ME1: variants seen among roughly 807,000 people sequenced by gnomAD.
The protein encoded by ME1 is NADP-dependent malic enzyme.
Under a neutral mutation model 66.4 loss-of-function variants are expected in ME1, and 74 were observed. The ratio of observed to expected loss-of-function variants is 1.11; its 90% CI spans 0.92 to 1.35. The LOEUF is 1.35. Among genes scored for constraint, ME1 ranks in the 40% most tolerant of loss-of-function variants. The pLI is 0.00. For synonymous variants in ME1, 251 were observed against 235.6 expected, an observed-to-expected ratio of 1.07 and a Z score of -0.60; for missense variants, 750 against 694.1, an observed-to-expected ratio of 1.08 and a Z score of -0.90.
At chr6:83,409,302 G>C (rs1022398599) in intron 1 of ME1, among the ~76,000 whole-genome samples, 3 of 152,200 alleles carry the variant, frequency 2.0e-5, no homozygotes, top group Non-Finnish European at 4.4e-5. Flanking sequence ...AATCAACCTG[G>C]ATAGGTAAGA....
intron 3 of ME1, among the ~76,000 whole-genome samples, chr6:83,362,411 T>A (rs1459059010): frequency 6.6e-6 from 1 of 152,198 alleles, no homozygotes; most frequent in Non-Finnish European, 1.5e-5. Context: ...TGACAGGACA[T>A]GACCCGTTCT....
At chr6:83,372,364 T>C (rs1258086820) in intron 3 of ME1, among the ~76,000 whole-genome samples, 1 of 152,188 alleles carries the variant, frequency 6.6e-6, no homozygotes, top group Non-Finnish European at 1.5e-5. Context: ...TGAGAGACTT[T>C]CCTAGGACAA....
At chr6:83,269,874 TATAAAA>T (rs750636439) in intron 6 of ME1, among the ~76,000 whole-genome samples, 1 of 152,168 alleles carries the variant, frequency 6.6e-6, no homozygotes. Flanking sequence ...TGTAGGTGTT[TATAAAA>T]ATAAAAGTCT....
intron 3 of ME1, among the ~76,000 whole-genome samples, chr6:83,380,654 A>G (rs1769379078): frequency 6.6e-6 from 1 of 152,134 alleles, no homozygotes; most frequent in African/African-American, 2.4e-5. Context: ...GTTGCACCTT[A>G]CAATGTTAGA....
At chr6:83,228,347 G>A (rs761976356) in intron 10 of ME1, among the ~76,000 whole-genome samples, 2 of 152,234 alleles carry the variant, frequency 1.3e-5, no homozygotes, top group Non-Finnish European at 2.9e-5. Context: ...ATTTTAGGCT[G>A]GATAATTCCT....
chr6:83,379,751 C>G (rs1160471130), intron 3 of ME1, among the ~76,000 whole-genome samples: 3 of 151,974 alleles, frequency 2.0e-5, no homozygotes, highest in African/African-American at 7.2e-5. Context: ...ATGATAATTT[C>G]TGTAATCACG....
chr6:83,400,477 A>G (rs1769818088), intron 2 of ME1, among the ~76,000 whole-genome samples: 1 of 152,228 alleles, frequency 6.6e-6, no homozygotes, highest in Admixed American at 6.5e-5. Context: ...CAATGCAAGA[A>G]CAGACTAACA....
chr6:83,270,528 A>C (rs948831367), intron 6 of ME1, among the ~76,000 whole-genome samples: 1 of 152,130 alleles, frequency 6.6e-6, no homozygotes, highest in Non-Finnish European at 1.5e-5. Context: ...GTTTCTCAGA[A>C]CTGCACACTA....
intron 2 of ME1, among the ~76,000 whole-genome samples, chr6:83,402,759 G>C (rs1468504849): frequency 1.3e-5 from 2 of 152,152 alleles, no homozygotes; most frequent in Non-Finnish European, 1.5e-5. Flanking sequence ...TTGAAGGTTT[G>C]AGTCACCCTC....
chr6:83,398,833 G>A (rs1259124380), intron 2 of ME1, among the ~76,000 whole-genome samples: 1 of 151,558 alleles, frequency 6.6e-6, no homozygotes, highest in Non-Finnish European at 1.5e-5. Flanking sequence ...GCCGGGCATG[G>A]TGGCTCACGC....
At chr6:83,306,833 G>T (rs1767832893) in intron 6 of ME1, among the ~76,000 whole-genome samples, 2 of 152,152 alleles carry the variant, frequency 1.3e-5, no homozygotes, top group South Asian at 4.1e-4. Context: ...TTATATTCTA[G>T]TAAGGAAAAT....
chr6:83,255,796 T>C (rs919641764), intron 6 of ME1, among the ~76,000 whole-genome samples: 1 of 152,066 alleles, frequency 6.6e-6, no homozygotes, highest in African/African-American at 2.4e-5. Flanking sequence ...CTTTATAAGA[T>C]ATTACACACA....
intron 1 of ME1, among the ~76,000 whole-genome samples, chr6:83,429,285 A>G (rs1770435415): frequency 6.6e-6 from 1 of 151,694 alleles, no homozygotes; most frequent in Admixed American, 6.6e-5. Context: ...TAATAATAAT[A>G]AATTCTTGAT....
chr6:83,332,176 G>A (rs1454844796), intron 5 of ME1, among the ~76,000 whole-genome samples: 1 of 151,994 alleles, frequency 6.6e-6, no homozygotes, highest in African/African-American at 2.4e-5. Context: ...TTAATACTTA[G>A]TATTATTAAC....
At chr6:83,352,862 T>C (rs12529407) in intron 3 of ME1, among the ~76,000 whole-genome samples, 48,822 of 152,032 alleles carry the variant, frequency 0.32, 8,214 homozygotes, top group Middle Eastern at 0.5. Flanking sequence ...GAACCACATA[T>C]AGCTTAATGA....
chr6:83,298,047 G>A (rs983704729), intron 6 of ME1, among the ~76,000 whole-genome samples: 2 of 152,118 alleles, frequency 1.3e-5, no homozygotes, highest in Non-Finnish European at 2.9e-5. Flanking sequence ...CTTTATAATA[G>A]AATGATTTAT....
In ME1 at chr6:83,407,258, G is replaced by T. The variant is rs967672642; in HGVS notation, c.212+510C>A. 6.6e-5 allele frequency among the ~76,000 whole-genome samples: 10 copies of T among 152,162 alleles called. 1 individual carries two copies. The highest frequency in any genetic ancestry group is 5.9e-4 in the Admixed American group (9 of 15,270). ...GCAGGGCCTGTAGTGGTTGCTCAAG[G>T]ATCTACTGCTAGTGAGATAGAGCCT... On this transcript the variant is annotated intron_variant, in intron 2 of 13. Transcript: ENST00000369705.
intron 6 of ME1, among the ~76,000 whole-genome samples, chr6:83,285,082 T>A (rs1320379544): frequency 2.0e-5 from 3 of 152,202 alleles, no homozygotes; most frequent in Non-Finnish European, 4.4e-5. Context: ...TTGTCTTTTC[T>A]TAACATTAGA....
At chr6:83,316,628 C>T (rs1768035428) in intron 5 of ME1, among the ~76,000 whole-genome samples, 1 of 151,618 alleles carries the variant, frequency 6.6e-6, no homozygotes, top group Admixed American at 6.6e-5. Flanking sequence ...AGAAGCAAAA[C>T]TTTTTTATTT....
Sources: allele counts gnomAD v4.1 joint callset (sites outside exome capture counted in the v4.1 genomes callset), GRCh38; gene constraint gnomAD v4.1.1; transcripts MANE v1.5; gene names NCBI Gene and HGNC (gene_info 2026-07-23, HGNC 2026-07-21).